The following METTL21A variants were observed in gnomAD, a reference collection of about 807,000 sequenced individuals.
METTL21A encodes protein N-lysine methyltransferase METTL21A.
In METTL21A, 22 loss-of-function variants were observed where a neutral mutation model predicts 20.9. The observed-to-expected ratio is 1.05, with a 90% confidence interval of 0.75 to 1.50. The LOEUF is 1.50. Among genes scored for constraint, METTL21A ranks in the 40% most tolerant of loss-of-function variants. The pLI is 0.00. For synonymous variants in METTL21A, 93 were observed against 102.0 expected (o/e 0.91, Z 0.53); for missense variants, 271 against 266.8 (o/e 1.02, Z -0.11).
downstream of METTL21A, among the ~76,000 whole-genome samples, chr2:207,607,945 G>T (rs2088394180): frequency 6.6e-6 from 1 of 151,974 alleles, no homozygotes; most frequent in Non-Finnish European, 1.5e-5. Context: ...GGACACTGTG[G>T]TGTGCTGCCC....
intron 3 of METTL21A, among the ~76,000 whole-genome samples, chr2:207,584,643 C>T (rs539469057): frequency 6.6e-6 from 1 of 152,298 alleles, no homozygotes; most frequent in African/African-American, 2.4e-5. Context: ...CTCAGATGAT[C>T]CACCCACCTC....
intron 3 of METTL21A, among the ~76,000 whole-genome samples, chr2:207,603,692 T>TA (rs1553515078): frequency 1.3e-5 from 2 of 152,180 alleles, no homozygotes; most frequent in African/African-American, 4.8e-5. Context: ...AATGGAGACA[T>TA]ACGACCAGCT....
At position 207,623,915 on chromosome 2, in the gene METTL21A, A is replaced by G. The variant is rs148230430; in HGVS notation, c.147+314T>C. 3.3e-3 allele frequency among the ~76,000 whole-genome samples: 501 copies of G among 152,314 alleles called. 1 individual carries two copies. Among genetic ancestry groups the G allele is most frequent in the African/African-American group, 0.01 (435 of 41,574 alleles). On this transcript the variant is annotated intron_variant, in intron 2 of 3. Transcript: ENST00000406927. ...GGGGCTTTCCTTCCTATCCTCTCCG[A>G]CAAGTCATTAACTTTCCTCAGCTTT...
downstream of METTL21A, chr2:207,581,584 C>A (rs1238848837): frequency 3.5e-5 from 10 of 286,680 alleles, no homozygotes; most frequent in Middle Eastern, 2.0e-3. Context: ...CAAACCAGTA[C>A]AAAGGTAAAT....
chr2:207,585,903 G>A (rs902055167), intron 3 of METTL21A, among the ~76,000 whole-genome samples: 1 of 152,046 alleles, frequency 6.6e-6, no homozygotes, highest in Non-Finnish European at 1.5e-5. Flanking sequence ...TTTCAATTTT[G>A]GGAGTGCCAC....
chr2:207,588,896 G>C (rs989959941), intron 3 of METTL21A, among the ~76,000 whole-genome samples: 1 of 140,378 alleles, frequency 7.1e-6, no homozygotes, highest in East Asian at 2.1e-4. Context: ...TGTCGGGGGG[G>C]GTGTAGATTC....
chr2:207,587,129 C>T (rs1030416862), intron 3 of METTL21A, among the ~76,000 whole-genome samples: 1 of 152,130 alleles, frequency 6.6e-6, no homozygotes, highest in Non-Finnish European at 1.5e-5. Flanking sequence ...CGTGGTGGCT[C>T]ACGCCTGTAA....
intron 3 of METTL21A, chr2:207,596,802 T>C (rs2086262161): frequency 3.2e-6 from 4 of 1,233,244 alleles, no homozygotes; most frequent in Admixed American, 2.5e-5. Flanking sequence ...TAATATATAC[T>C]AAAATGTTGG....
At chr2:207,581,085 TA>T, downstream of METTL21A, 1 of 212,404 alleles carries the variant, frequency 4.7e-6, no homozygotes. Flanking sequence ...AGGGGGATTT[TA>T]AAAGCAGATT....
intron 3 of METTL21A, among the ~76,000 whole-genome samples, chr2:207,587,801 G>A (rs150878368): frequency 5.3e-4 from 80 of 152,324 alleles, no homozygotes; most frequent in Middle Eastern, 6.8e-3. Flanking sequence ...AAGGGAAGGT[G>A]AGATAGGGAG....
intron 3 of METTL21A, chr2:207,596,846 AAAAG>A (rs1559083951): frequency 1.3e-6 from 2 of 1,561,068 alleles, no homozygotes; most frequent in African/African-American, 2.8e-5. Context: ...AAAGAAAAAA[AAAAG>A]GTAATCCAAA....
At chr2:207,592,911 C>T (rs202063302) in intron 3 of METTL21A, among the ~76,000 whole-genome samples, 7 of 145,122 alleles carry the variant, frequency 4.8e-5, no homozygotes, top group Non-Finnish European at 1.0e-4. Context: ...GACTCCATCT[C>T]AAAAAAGAAA....
At chr2:207,615,225 A>G (rs1054747488) in intron 3 of METTL21A, among the ~76,000 whole-genome samples, 2 of 152,144 alleles carry the variant, frequency 1.3e-5, no homozygotes, top group Admixed American at 6.5e-5. Context: ...TAATCCAAGC[A>G]CTTTGGGAGG....
At chr2:207,599,986 A>G (rs1003070512) in intron 3 of METTL21A, 2 of 192,306 alleles carry the variant, frequency 1.0e-5, no homozygotes, top group African/African-American at 4.6e-5. Flanking sequence ...ATTAATAAAA[A>G]TGAAGTGGGG....
chr2:207,608,379 C>A (rs760259172), downstream of METTL21A, among the ~76,000 whole-genome samples: 5 of 151,702 alleles, frequency 3.3e-5, no homozygotes, highest in Non-Finnish European at 7.4e-5. Context: ...CCAAGAAAAT[C>A]ACTTGATTTT....
chr2:207,585,329 T>C (rs1462444772), intron 3 of METTL21A, among the ~76,000 whole-genome samples: 1 of 152,130 alleles, frequency 6.6e-6, no homozygotes. Context: ...GATACCACCA[T>C]TGATGACAGT....
At chr2:207,592,585 T>G (rs956613545) in intron 3 of METTL21A, among the ~76,000 whole-genome samples, 1 of 152,138 alleles carries the variant, frequency 6.6e-6, no homozygotes, top group African/African-American at 2.4e-5. Flanking sequence ...CATATTTATC[T>G]TATTCTTCTT....
At chr2:207,619,045 T>G (rs1422410710) in intron 3 of METTL21A, among the ~76,000 whole-genome samples, 1 of 152,130 alleles carries the variant, frequency 6.6e-6, no homozygotes, top group African/African-American at 2.4e-5. Context: ...CTACTTACCA[T>G]GCAGGGTGAC....
intron 3 of METTL21A, among the ~76,000 whole-genome samples, chr2:207,589,623 A>T (rs1221480121): frequency 6.6e-6 from 1 of 152,188 alleles, no homozygotes; most frequent in East Asian, 1.9e-4. Flanking sequence ...ACATTTTTTT[A>T]AAAACTCTCT....
Sources: gnomAD v4.1 joint callset for allele counts (sites outside exome capture counted in the v4.1 genomes callset) on GRCh38, gnomAD v4.1.1 for gene constraint, MANE v1.5 for transcripts, NCBI Gene and HGNC (gene_info 2026-07-23, HGNC 2026-07-21) for gene names.